ABCC4: variants seen among roughly 807,000 people sequenced by gnomAD.
The protein encoded by ABCC4 is ATP binding cassette subfamily C member 4 (PEL blood group).
ABCC4 carries 102 observed loss-of-function variants against 168.5 expected under a neutral mutation model. That is an observed-to-expected ratio of 0.61 (90% CI 0.52 to 0.71). The LOEUF (loss-of-function observed/expected upper bound fraction) is 0.71, where lower values mean the gene tolerates loss of function less well. Ranked by LOEUF, ABCC4 falls within the 30% of genes least tolerant of loss-of-function variation. The pLI is 0.00. For missense variants in ABCC4, 1,402 were observed against 1,605.8 expected (o/e 0.87, Z 2.17); for synonymous variants, 617 against 590.7 (o/e 1.04, Z -0.65).
chr13:95,190,937 A>C (rs1256585715), intron 9 of ABCC4, among the ~76,000 whole-genome samples: 6 of 152,250 alleles, frequency 3.9e-5, no homozygotes, highest in African/African-American at 7.2e-5. Flanking sequence ...TAGAAAAATG[A>C]TCAAGAATGA....
At chr13:95,150,022 G>C (rs189774287) in intron 19 of ABCC4, among the ~76,000 whole-genome samples, 5 of 152,118 alleles carry the variant, frequency 3.3e-5, no homozygotes, top group Admixed American at 6.5e-5. Context: ...CCTAGGCTTG[G>C]GGGGGCAATA....
chr13:95,115,273 GTT>G (rs4148522), intron 20 of ABCC4, among the ~76,000 whole-genome samples: 1 of 146,056 alleles, frequency 6.8e-6, no homozygotes. Flanking sequence ...AGGATTGTTG[GTT>G]TTTTTTTTTT....
At chr13:95,141,659 T>C (rs1159347245) in intron 19 of ABCC4, among the ~76,000 whole-genome samples, 1 of 152,184 alleles carries the variant, frequency 6.6e-6, no homozygotes, top group African/African-American at 2.4e-5. Context: ...AAAAATACCA[T>C]AGTTATTCTA....
At chr13:95,267,682 CAAGT>C (rs2040721085) in intron 1 of ABCC4, among the ~76,000 whole-genome samples, 1 of 152,122 alleles carries the variant, frequency 6.6e-6, no homozygotes, top group Non-Finnish European at 1.5e-5. Context: ...TGGAATGCTC[CAAGT>C]AATAGAAGTG....
At position 95,178,042 on chromosome 13, in the gene ABCC4, C is replaced by T. The variant is rs753932916; in HGVS notation, c.1595G>A (p.Gly532Glu). 6 of 1,614,074 alleles carry T rather than the reference C, an allele frequency of 3.7e-6. No homozygotes were observed. The highest frequency in any genetic ancestry group is 5.1e-6 in the Non-Finnish European group (6 of 1,180,032). The part of the protein sequence containing the change: ...DGDLTVIGDR[G>E]TTLSGGQKAR... ...TTTCTGCCCTCCACTCAGCGTGGTT[C>T]CCCGATCTCCTATCACAGTCAGATC... The change falls in exon 12 of 31, where the codon GGA becomes GAA. Residue 532 changes from glycine (G) to glutamate (E), a missense_variant. This residue lies in a region of ABCC4 where 1,007 missense variants were observed against 1,127.3 expected (regional missense o/e 0.89). Transcript: ENST00000645237.
At chr13:95,178,183 T>C in intron 11 of ABCC4, 92 bp from the exon 12 acceptor site, 3 of 1,110,478 alleles carry the variant, frequency 2.7e-6, no homozygotes, top group Non-Finnish European at 4.1e-6. Context: ...TCCTAAACTT[T>C]GCACATTAGT....
At chr13:95,044,749 A>G (rs2032506525) in intron 27 of ABCC4, among the ~76,000 whole-genome samples, 1 of 152,240 alleles carries the variant, frequency 6.6e-6, no homozygotes, top group African/African-American at 2.4e-5. Context: ...ATTAAGAAAA[A>G]CACAGTATGA....
chr13:95,153,458 A>AT, intron 19 of ABCC4, among the ~76,000 whole-genome samples: 1 of 152,308 alleles, frequency 6.6e-6, no homozygotes, highest in East Asian at 1.9e-4. Context: ...GAACTTACAT[A>AT]TATCGAGAGA....
At chr13:95,270,233 T>C (rs966118490) in intron 1 of ABCC4, among the ~76,000 whole-genome samples, 2 of 152,064 alleles carry the variant, frequency 1.3e-5, no homozygotes, top group Non-Finnish European at 1.5e-5. Context: ...TTGTTAGTAT[T>C]TTCTCTAATC....
chr13:95,159,035 A>ATCAC (rs2036977525), intron 19 of ABCC4, among the ~76,000 whole-genome samples: 1 of 147,362 alleles, frequency 6.8e-6, no homozygotes, highest in African/African-American at 2.5e-5. Context: ...GTGAGCTGTG[A>ATCAC]TCACATCACT....
chr13:95,158,086 A>G (rs78555582), intron 19 of ABCC4, among the ~76,000 whole-genome samples: 1 of 152,028 alleles, frequency 6.6e-6, no homozygotes, highest in African/African-American at 2.4e-5. Flanking sequence ...AAAAAAAAAA[A>G]AAAGAAACAG....
rs553316228 is a variant in ABCC4 at position 95,161,269 on chromosome 13, T to A, written c.2375A>T (p.Asn792Ile). The change falls in exon 19 of 31, where the codon AAC becomes ATC. Residue 792 changes from asparagine to isoleucine, a missense_variant. Asn to Ile is a moderately radical substitution (Grantham distance 149). Coordinates refer to ENST00000645237, the MANE Select transcript of ABCC4 (RefSeq NM_005845.5). ...TTTGTTGTGCAAAGTTTGTGAAGAG[T>A]TAACAAGGACGTAGAATACCAATAG... ...RSLLVFYVLV[N>I]SSQTLHNKMF... 1.9e-6 allele frequency: 3 copies of A among 1,610,988 alleles called. No homozygotes were observed. In the East Asian group the frequency reaches 6.7e-5, roughly 36 times the overall value.
intron 30 of ABCC4, among the ~76,000 whole-genome samples, chr13:95,026,939 C>T (rs567112523): frequency 6.6e-6 from 1 of 151,840 alleles, no homozygotes; most frequent in South Asian, 2.1e-4. Context: ...TGAGTTATGT[C>T]AAACATGGTC....
chr13:95,294,923 C>T (rs1371852645), intron 1 of ABCC4, among the ~76,000 whole-genome samples: 1 of 152,100 alleles, frequency 6.6e-6, no homozygotes, highest in African/African-American at 2.4e-5. Context: ...CACTGCACTC[C>T]AGCTTGGGCA....
chr13:95,139,548 T>G (rs1192190483), intron 19 of ABCC4, among the ~76,000 whole-genome samples: 1 of 152,140 alleles, frequency 6.6e-6, no homozygotes, highest in East Asian at 1.9e-4. Context: ...CCATGCCCAA[T>G]GGGGCCGTGA....
Position 95,218,980 on chromosome 13 carries a change from AGAAAGAGTG to A in ABCC4, c.532-8208_532-8200del, listed in dbSNP as rs1566539860. On this transcript the variant is annotated intron_variant, in intron 4 of 30. Coordinates refer to ENST00000645237, the MANE Select transcript of ABCC4 (RefSeq NM_005845.5). The stretch of plus-strand genomic sequence containing the variant: ...AAGAAAGAAAGAAAGAAAGAAAGAA[AGAAAGAGTG>A]AGAAAGAAAGAAAGAGTGAGAAAGA... Among the ~76,000 whole-genome samples, 37 of 43,266 alleles carry A rather than the reference AGAAAGAGTG, an allele frequency of 8.6e-4. 3 individuals are homozygous for A. Among genetic ancestry groups the A allele is most frequent in the African/African-American group, 2.8e-3 (33 of 11,716 alleles). The allele number at this position is 43,266 out of a possible 152,430, so 28.4% of individuals were successfully genotyped here. A position where few individuals can be genotyped will look rare whatever the true frequency, so the allele number is the denominator to read the frequency against.
At chr13:95,301,212 G>C in intron 1 of ABCC4, 29 bp downstream of exon 1, 1 of 1,570,614 alleles carries the variant, frequency 6.4e-7, no homozygotes, top group Non-Finnish European at 8.6e-7. Flanking sequence ...GCGGCTGCAG[G>C]GTGACCTGTT....
At chr13:95,268,521 G>A (rs1478797370) in intron 1 of ABCC4, among the ~76,000 whole-genome samples, 4 of 124,254 alleles carry the variant, frequency 3.2e-5, no homozygotes, top group Non-Finnish European at 6.4e-5. Context: ...TCTCCTGCTC[G>A]TCCCTTGGCC....
At chr13:95,220,036 TTTTA>T (rs2039270108) in intron 4 of ABCC4, among the ~76,000 whole-genome samples, 1 of 151,704 alleles carries the variant, frequency 6.6e-6, no homozygotes, top group Non-Finnish European at 1.5e-5. Flanking sequence ...TTTTTTTTTT[TTTTA>T]GTTTTAGTAG....
Sources: gnomAD v4.1 joint callset for allele counts (sites outside exome capture counted in the v4.1 genomes callset) on GRCh38, gnomAD v4.1.1 for gene constraint, gnomAD v4.1.1 regional missense constraint, MANE v1.5 for transcripts, NCBI Gene and HGNC (gene_info 2026-07-23, HGNC 2026-07-21) for gene names.